Variants in GABRB3 observed in about 807,000 individuals in gnomAD.
The protein encoded by GABRB3 is gamma-aminobutyric acid type A receptor subunit beta3.
GABRB3 carries 14 observed loss-of-function variants against 52.1 expected under a neutral mutation model. The ratio of observed to expected loss-of-function variants is 0.27; its 90% CI spans 0.18 to 0.42. The LOEUF is 0.42. Ranked by LOEUF, GABRB3 falls within the 10% of genes least tolerant of loss-of-function variation. GABRB3 has a pLI of 1.00. For missense variants in GABRB3, 307 were observed against 609.1 expected, an observed-to-expected ratio of 0.50 and a Z score of 5.22; for synonymous variants, 260 against 232.3, an observed-to-expected ratio of 1.12 and a Z score of -1.08.
At chr15:26,685,394 G>C (rs1177218877) in intron 3 of GABRB3, among the ~76,000 whole-genome samples, 4 of 152,208 alleles carry the variant, frequency 2.6e-5, no homozygotes, top group African/African-American at 9.6e-5. Context: ...CTGATGATTA[G>C]AATGGGAAGA....
At chr15:26,683,373 G>A (rs1888298988) in intron 3 of GABRB3, among the ~76,000 whole-genome samples, 1 of 152,052 alleles carries the variant, frequency 6.6e-6, no homozygotes, top group Admixed American at 6.5e-5. Context: ...CCCATCGCTG[G>A]GTTTCCTGGT....
At chr15:26,716,157 A>AT (rs1889459225) in intron 3 of GABRB3, among the ~76,000 whole-genome samples, 2 of 152,256 alleles carry the variant, frequency 1.3e-5, no homozygotes, top group South Asian at 2.1e-4. Context: ...GATTGTATTG[A>AT]TTTTTTTCTC....
At chr15:26,659,589 G>A (rs1035897011) in intron 3 of GABRB3, among the ~76,000 whole-genome samples, 1 of 152,140 alleles carries the variant, frequency 6.6e-6, no homozygotes, top group African/African-American at 2.4e-5. Flanking sequence ...CAAATGGAAA[G>A]CTGAAAATCT....
chr15:26,553,675 G>A (rs529070761), intron 8 of GABRB3, among the ~76,000 whole-genome samples: 2 of 152,102 alleles, frequency 1.3e-5, no homozygotes, highest in African/African-American at 4.8e-5. Context: ...GCACTTCCAC[G>A]AAGGGGCTGG....
intron 3 of GABRB3, among the ~76,000 whole-genome samples, chr15:26,646,198 G>A (rs1193960612): frequency 2.0e-5 from 3 of 152,030 alleles, no homozygotes; most frequent in African/African-American, 4.8e-5. Context: ...TGAACCCAGT[G>A]CCCATTTGCA....
chr15:26,745,547 C>A (rs1401431669), intron 3 of GABRB3, among the ~76,000 whole-genome samples: 1 of 152,096 alleles, frequency 6.6e-6, no homozygotes, highest in Non-Finnish European at 1.5e-5. Context: ...GGCGTAGATT[C>A]CCTGCAGCCT....
At chr15:26,664,221 A>G (rs892430335) in intron 3 of GABRB3, among the ~76,000 whole-genome samples, 3 of 152,126 alleles carry the variant, frequency 2.0e-5, no homozygotes, top group African/African-American at 7.2e-5. Context: ...TGATTTTTAA[A>G]TTTTTTGTAG....
chr15:26,634,050 G>C lies in GABRB3; in HGVS notation c.241-12516C>G, dbSNP rs111493494. On this transcript the variant is annotated intron_variant, in intron 3 of 8. Coordinates refer to ENST00000311550, the MANE Select transcript of GABRB3 (RefSeq NM_000814.6). Reference sequence around the variant, plus strand: ...ATTCCCTTTGCAGCCTCCTTTAGTTGTAAGTTGGTGACCTACTGTAGCCTT... The same window carrying C: ...ATTCCCTTTGCAGCCTCCTTTAGTTCTAAGTTGGTGACCTACTGTAGCCTT... Among the ~76,000 whole-genome samples, 67 of 152,178 alleles carry C rather than the reference G, an allele frequency of 4.4e-4. 1 individual carries two copies. The highest frequency in any genetic ancestry group is 1.3e-4 in the Non-Finnish European group (9 of 68,022).
chr15:26,640,031 G>A (rs1160111901), intron 3 of GABRB3, among the ~76,000 whole-genome samples: 2 of 152,204 alleles, frequency 1.3e-5, no homozygotes, highest in African/African-American at 4.8e-5. Context: ...ACTCAAAACG[G>A]AGAGCATTGT....
intron 3 of GABRB3, among the ~76,000 whole-genome samples, chr15:26,757,859 G>T (rs1224299470): frequency 6.6e-6 from 1 of 152,148 alleles, no homozygotes; most frequent in East Asian, 1.9e-4. Context: ...GCACTAACCT[G>T]TTAGAGTAAG....
intron 3 of GABRB3, among the ~76,000 whole-genome samples, chr15:26,649,808 G>A (rs547579834): frequency 7.2e-5 from 11 of 152,040 alleles, no homozygotes; most frequent in Non-Finnish European, 1.3e-4. Flanking sequence ...ACTAAAATAT[G>A]GAAATATGGA....
chr15:26,666,373 T>C (rs1012999848), intron 3 of GABRB3: 1 of 152,198 alleles, frequency 6.6e-6, no homozygotes, highest in Non-Finnish European at 1.5e-5. Context: ...TCAGAGGTAA[T>C]GTACTTTCCA....
At chr15:26,659,913 A>G (rs1261526369) in intron 3 of GABRB3, among the ~76,000 whole-genome samples, 1 of 152,104 alleles carries the variant, frequency 6.6e-6, no homozygotes, top group East Asian at 1.9e-4. Context: ...AGGGAGTGGC[A>G]ACTAACAGAA....
chr15:26,728,431 T>C lies in GABRB3; in HGVS notation c.240+43971A>G, dbSNP rs554975960. On this transcript the variant is annotated intron_variant, in intron 3 of 8. Coordinates refer to ENST00000311550, the MANE Select transcript of GABRB3 (RefSeq NM_000814.6). ...GTCTTCATGGAAAATAAACACCGCG[T>C]GCTGGAGTGGAGGCAGTGACTATAA... Among the ~76,000 whole-genome samples, 4 of 152,250 alleles carry C rather than the reference T, an allele frequency of 2.6e-5. No homozygotes were observed. In the East Asian group the frequency reaches 5.8e-4, roughly 22 times the overall value.
chr15:26,648,261 T>C (rs1887075995), intron 3 of GABRB3, among the ~76,000 whole-genome samples: 1 of 152,214 alleles, frequency 6.6e-6, no homozygotes. Context: ...TGACTGCTTT[T>C]TTCACTTAGC....
chr15:26,593,386 G>A (rs1397094530), intron 4 of GABRB3, among the ~76,000 whole-genome samples: 1 of 152,096 alleles, frequency 6.6e-6, no homozygotes, highest in Non-Finnish European at 1.5e-5. Context: ...TCACATTGGT[G>A]TGCGACCAAC....
At chr15:26,570,073 C>T (rs1356483465) in intron 6 of GABRB3, among the ~76,000 whole-genome samples, 1 of 152,192 alleles carries the variant, frequency 6.6e-6, no homozygotes, top group African/African-American at 2.4e-5. Context: ...GGAGGACACA[C>T]AGATCCCTAA....
At chr15:26,624,401 G>A (rs1892606281) in intron 3 of GABRB3, 7 of 985,336 alleles carry the variant, frequency 7.1e-6, no homozygotes, top group South Asian at 4.7e-5. Flanking sequence ...CCTGAGTCGC[G>A]ATGTCTAGCG....
At chr15:26,762,437 A>G (rs6576606) in intron 3 of GABRB3, among the ~76,000 whole-genome samples, 139,297 of 152,060 alleles carry the variant, frequency 0.92, 63,852 homozygotes, top group East Asian at 1. Flanking sequence ...TTCTGATTCA[A>G]TCCTTTAGCC....
Sources: gnomAD v4.1 joint callset for allele counts (sites outside exome capture counted in the v4.1 genomes callset) on GRCh38, gnomAD v4.1.1 for gene constraint, MANE v1.5 for transcripts, NCBI Gene and HGNC (gene_info 2026-07-23, HGNC 2026-07-21) for gene names.